POT1: variants seen among roughly 807,000 people sequenced by gnomAD.
POT1 encodes the protein protection of telomeres protein 1.
In POT1, 47 loss-of-function variants were observed where a neutral mutation model predicts 78.5. That is an observed-to-expected ratio of 0.60 (90% CI 0.47 to 0.76). The LOEUF (loss-of-function observed/expected upper bound fraction) is 0.76, where lower values mean the gene tolerates loss of function less well. Ranked by LOEUF, POT1 falls within the 30% of genes least tolerant of loss-of-function variation. POT1 has a pLI of 0.00. For missense variants in POT1, 646 were observed against 749.9 expected (o/e 0.86, Z 1.62); for synonymous variants, 259 against 260.7 (o/e 0.99, Z 0.06).
chr7:124,846,813 A>G (rs891762490), intron 12 of POT1, 129 bp downstream of exon 12: 1 of 595,934 alleles, frequency 1.7e-6, no homozygotes, highest in African/African-American at 1.9e-5. Context: ...AAAGTTAAAT[A>G]TGGACATATT....
At chr7:124,837,231 A>T (rs780966657) in intron 14 of POT1, 7 of 289,358 alleles carry the variant, frequency 2.4e-5, no homozygotes, top group Admixed American at 4.6e-5. Context: ...TATGAGAGTT[A>T]AAGATAAAAT....
intron 6 of POT1, among the ~76,000 whole-genome samples, chr7:124,883,314 C>G (rs1420697510): frequency 6.6e-6 from 1 of 151,784 alleles, no homozygotes; most frequent in Non-Finnish European, 1.5e-5. Context: ...TAGAGTTTTA[C>G]CAATTGGGGA....
chr7:124,891,846 CT>C (rs1796379195), intron 6 of POT1, among the ~76,000 whole-genome samples: 1 of 151,610 alleles, frequency 6.6e-6, no homozygotes, highest in African/African-American at 2.4e-5. Context: ...TAATTTGCAT[CT>C]TTTTATACTA....
intron 3 of POT1, 66 bp downstream of exon 3, chr7:124,915,508 T>C (rs1475364682): frequency 6.6e-6 from 1 of 152,266 alleles, no homozygotes; most frequent in African/African-American, 2.4e-5. Flanking sequence ...CATATATATA[T>C]GAAGTCACAT....
At chr7:124,922,388 T>C (rs919155636) in intron 2 of POT1, among the ~76,000 whole-genome samples, 2 of 152,068 alleles carry the variant, frequency 1.3e-5, no homozygotes, top group African/African-American at 2.4e-5. Context: ...AGATGACTCA[T>C]TGTTTAAACA....
intron 5 of POT1, 46 bp downstream of exon 5, chr7:124,897,119 A>T: frequency 7.9e-7 from 1 of 1,262,208 alleles, no homozygotes; most frequent in Non-Finnish European, 1.1e-6. Flanking sequence ...TGTGGCATAT[A>T]CAGGTATAGG....
chr7:124,906,189 CAT>C (rs1447809826), intron 3 of POT1, among the ~76,000 whole-genome samples: 2 of 152,126 alleles, frequency 1.3e-5, no homozygotes, highest in African/African-American at 4.8e-5. Flanking sequence ...CACATGCACA[CAT>C]ATGTTTAGTG....
intron 9 of POT1, among the ~76,000 whole-genome samples, chr7:124,858,102 G>A (rs1245038615): frequency 6.6e-6 from 1 of 152,050 alleles, no homozygotes; most frequent in African/African-American, 2.4e-5. Flanking sequence ...TCCAGCACCT[G>A]TGCACTCCAG....
chr7:124,837,214 GA>G (rs1178172526), intron 14 of POT1: 1 of 304,806 alleles, frequency 3.3e-6, no homozygotes, highest in Non-Finnish European at 6.5e-6. Context: ...GCTTACAGAA[GA>G]ACTGTTATGA....
chr7:124,875,700 A>T (rs1795975326), intron 6 of POT1, among the ~76,000 whole-genome samples: 1 of 152,196 alleles, frequency 6.6e-6, no homozygotes, highest in African/African-American at 2.4e-5. Flanking sequence ...TCAAGCTCAA[A>T]AATTGATGCA....
rs1322944287 is a variant in POT1 at position 124,898,243 on chromosome 7, T to A, written c.-40+18A>T. 2 of 151,878 alleles carry A rather than the reference T, an allele frequency of 1.3e-5. No homozygotes were observed. Among genetic ancestry groups the A allele is most frequent in the Admixed American group, 1.3e-4 (2 of 15,200 alleles). 9.4% of individuals were successfully genotyped at this position (151,878 alleles called of 1,614,324 possible). A position where few individuals can be genotyped will look rare whatever the true frequency, so the allele number is the denominator to read the frequency against. On this transcript the variant is annotated intron_variant, in intron 4 of 18. Coordinates refer to ENST00000357628, the MANE Select transcript of POT1 (RefSeq NM_015450.3). ...TTAAATCTGCAATGTAATTAGAGAA[T>A]AAAAGCTGCATACTTACATAAACAG...
At chr7:124,860,046 T>G (rs187171759) in intron 8 of POT1, among the ~76,000 whole-genome samples, 15 of 152,068 alleles carry the variant, frequency 9.9e-5, no homozygotes, top group Admixed American at 9.2e-4. Context: ...CTATTTTGTA[T>G]GTAACCAGAC....
chr7:124,845,825 G>A (rs139828892), intron 12 of POT1, among the ~76,000 whole-genome samples: 1 of 151,366 alleles, frequency 6.6e-6, no homozygotes, highest in African/African-American at 2.4e-5. Context: ...TCATCAACAT[G>A]GGCTCATGCA....
At chr7:124,871,390 CT>C (rs1488593269) in intron 6 of POT1, among the ~76,000 whole-genome samples, 1 of 151,854 alleles carries the variant, frequency 6.6e-6, no homozygotes, top group Non-Finnish European at 1.5e-5. Flanking sequence ...ATAAACATAA[CT>C]AAATTTAGAA....
intron 11 of POT1, chr7:124,848,598 G>C (rs1795227874): frequency 4.9e-6 from 1 of 202,160 alleles, no homozygotes; most frequent in African/African-American, 2.4e-5. Context: ...AGGAGGTGGA[G>C]GCTGCAATGA....
chr7:124,918,234 C>G (rs1378010044), intron 2 of POT1, among the ~76,000 whole-genome samples: 1 of 152,160 alleles, frequency 6.6e-6, no homozygotes, highest in Non-Finnish European at 1.5e-5. Flanking sequence ...CCAGACCAAA[C>G]TAAATTACCG....
chr7:124,900,924 CTG>C (rs1249002533), intron 3 of POT1: 3 of 250,616 alleles, frequency 1.2e-5, no homozygotes, highest in Non-Finnish European at 2.7e-5. Flanking sequence ...CCAGATTGAA[CTG>C]TGAGGCTGCA....
At chr7:124,913,696 C>T (rs1796946576) in intron 3 of POT1, among the ~76,000 whole-genome samples, 1 of 151,830 alleles carries the variant, frequency 6.6e-6, no homozygotes, top group Non-Finnish European at 1.5e-5. Context: ...ATGTGGAAAT[C>T]CAGTTGTCTC....
At chr7:124,877,226 A>G (rs55964341) in intron 6 of POT1, among the ~76,000 whole-genome samples, 32,871 of 152,142 alleles carry the variant, frequency 0.22, 3,981 homozygotes, top group East Asian at 0.3. Flanking sequence ...AAAGACAACA[A>G]ATCAATGGCT....
Sources: gnomAD v4.1 joint callset for allele counts (sites outside exome capture counted in the v4.1 genomes callset) on GRCh38, gnomAD v4.1.1 for gene constraint, MANE v1.5 for transcripts, NCBI Gene and HGNC (gene_info 2026-07-23, HGNC 2026-07-21) for gene names.